The following CDH13 variants were observed in gnomAD, a reference collection of about 807,000 sequenced individuals.
CDH13 encodes cadherin-13.
In CDH13, 24 loss-of-function variants were observed where a neutral mutation model predicts 63.8. That is an observed-to-expected ratio of 0.38 (90% CI 0.27 to 0.53). CDH13 has a LOEUF of 0.53. CDH13 is among the 20% of genes least tolerant of loss of function. The pLI, the probability that CDH13 is intolerant of heterozygous loss-of-function variation, is 0.85. For missense variants in CDH13, 1,049 were observed against 903.1 expected (o/e 1.16, Z -2.07); for synonymous variants, 503 against 355.3 (o/e 1.42, Z -4.67).
At chr16:82,811,876 G>A (rs972224657) in intron 1 of CDH13, among the ~76,000 whole-genome samples, 1 of 152,136 alleles carries the variant, frequency 6.6e-6, no homozygotes, top group African/African-American at 2.4e-5. Flanking sequence ...GAAGGGCCCA[G>A]GTTTAGGGAA....
intron 1 of CDH13, among the ~76,000 whole-genome samples, chr16:82,631,870 A>C (rs1219342635): frequency 1.3e-5 from 2 of 152,100 alleles, no homozygotes; most frequent in Non-Finnish European, 2.9e-5. Flanking sequence ...CTGGCTTAGC[A>C]AGTTGAACCT....
chr16:83,477,089 G>T (rs1433666606), intron 6 of CDH13, among the ~76,000 whole-genome samples: 2 of 152,186 alleles, frequency 1.3e-5, no homozygotes, highest in African/African-American at 4.8e-5. Flanking sequence ...CAGTTCTTCA[G>T]CTTCATTAAA....
intron 8 of CDH13, among the ~76,000 whole-genome samples, chr16:83,615,824 C>G (rs1909234872): frequency 6.6e-6 from 1 of 152,156 alleles, no homozygotes; most frequent in Non-Finnish European, 1.5e-5. Flanking sequence ...AAATTGCATT[C>G]CCAACTTCCC....
intron 2 of CDH13, among the ~76,000 whole-genome samples, chr16:82,968,121 C>T (rs951460612): frequency 6.6e-6 from 1 of 152,184 alleles, no homozygotes; most frequent in Non-Finnish European, 1.5e-5. Context: ...TTAAAAGTTT[C>T]ATTACTATGG....
intron 1 of CDH13, among the ~76,000 whole-genome samples, chr16:82,741,682 A>G (rs2033939862): frequency 6.6e-6 from 1 of 152,242 alleles, no homozygotes. Context: ...AGAAACAGCC[A>G]TGGCACAAAC....
intron 1 of CDH13, among the ~76,000 whole-genome samples, chr16:82,709,493 G>A (rs2031749548): frequency 6.6e-6 from 1 of 152,164 alleles, no homozygotes; most frequent in Non-Finnish European, 1.5e-5. Flanking sequence ...GCTTGCAAGG[G>A]ATGTAACTCT....
At chr16:83,115,925 G>T (rs1001563311) in intron 3 of CDH13, among the ~76,000 whole-genome samples, 1 of 152,244 alleles carries the variant, frequency 6.6e-6, no homozygotes, top group Non-Finnish European at 1.5e-5. Flanking sequence ...CTGTTTGAAT[G>T]TCAGCGTATT....
chr16:83,188,584 C>G (rs1428694231), intron 4 of CDH13, among the ~76,000 whole-genome samples: 1 of 152,162 alleles, frequency 6.6e-6, no homozygotes, highest in Non-Finnish European at 1.5e-5. Flanking sequence ...TGGCCATGGT[C>G]CTGGCTCCCA....
intron 5 of CDH13, among the ~76,000 whole-genome samples, chr16:83,310,477 G>T (rs1194463228): frequency 6.6e-6 from 1 of 152,146 alleles, no homozygotes; most frequent in Non-Finnish European, 1.5e-5. Context: ...GTACAGAGAG[G>T]CAGAGAGGAG....
intron 7 of CDH13, among the ~76,000 whole-genome samples, chr16:83,551,434 T>C (rs373594143): frequency 1.4e-4 from 21 of 152,162 alleles, no homozygotes; most frequent in African/African-American, 5.1e-4. Context: ...TCAACAAGTG[T>C]TATTTGGCCA....
intron 3 of CDH13, among the ~76,000 whole-genome samples, chr16:83,049,605 G>A (rs755013436): frequency 2.0e-4 from 31 of 152,064 alleles, no homozygotes; most frequent in Non-Finnish European, 1.5e-5. Context: ...AGAGTGCTGG[G>A]ATTACAGGCG....
intron 7 of CDH13, among the ~76,000 whole-genome samples, chr16:83,517,966 G>T (rs753342683): frequency 6.6e-6 from 1 of 152,096 alleles, no homozygotes; most frequent in Non-Finnish European, 1.5e-5. Context: ...GTGATGAAGT[G>T]ACTAACCCCA....
rs767152797 is a variant in CDH13 at position 82,920,598 on chromosome 16, C to G, written c.157+62125C>G. On this transcript the variant is annotated intron_variant, in intron 2 of 13. Transcript: ENST00000567109. ...CCTATGGAAAAGAAAAGAATGCTGT[C>G]TGGTGAGGCTGTCTCCACTGCAGGC... Among the ~76,000 whole-genome samples the G allele has an allele frequency of 2.8e-4, 42 of 152,188 alleles. 1 individual carries two copies. Among genetic ancestry groups the G allele is most frequent in the Admixed American group, 2.6e-4 (4 of 15,280 alleles).
At chr16:83,777,775 A>G (rs566210806) in intron 11 of CDH13, among the ~76,000 whole-genome samples, 1 of 152,340 alleles carries the variant, frequency 6.6e-6, no homozygotes, top group African/African-American at 2.4e-5. Flanking sequence ...GTGTAACCTG[A>G]TAGCCTAACT....
chr16:83,681,642 T>C lies in CDH13; in HGVS notation c.1538+3181T>C, dbSNP rs3826117. On this transcript the variant is annotated intron_variant, in intron 10 of 13. Transcript: ENST00000567109. ...ACCCCTCTCCTCTCCTGGAGTAAAG[T>C]CGGGATAACATCACCGACAGGTTGA... is the stretch of plus-strand genomic sequence containing the variant. Among the ~76,000 whole-genome samples the C allele has an allele frequency of 9.4e-3, 1,436 of 152,046 alleles. 70 individuals carry two copies. Among genetic ancestry groups the C allele is most frequent in the Admixed American group, 0.075 (1,145 of 15,274 alleles).
chr16:82,833,134 A>T (rs11150494), intron 1 of CDH13, among the ~76,000 whole-genome samples: 52,455 of 152,134 alleles, frequency 0.34, 10,383 homozygotes, highest in East Asian at 0.81. Flanking sequence ...CAGTGAACTC[A>T]GACCCGTCTC....
chr16:83,005,248 T>C (rs1004059314), intron 2 of CDH13, among the ~76,000 whole-genome samples: 4 of 152,192 alleles, frequency 2.6e-5, no homozygotes, highest in Admixed American at 6.5e-5. Flanking sequence ...TTTTGGATGA[T>C]TATTTCATTG....
intron 4 of CDH13, among the ~76,000 whole-genome samples, chr16:83,158,083 G>A (rs2037289014): frequency 6.6e-6 from 1 of 152,028 alleles, no homozygotes; most frequent in Non-Finnish European, 1.5e-5. Context: ...TTTAGAAAGT[G>A]GGTTCCCTGT....
intron 2 of CDH13, among the ~76,000 whole-genome samples, chr16:82,903,615 A>C (rs984629363): frequency 2.0e-4 from 30 of 152,162 alleles, no homozygotes; most frequent in African/African-American, 6.8e-4. Context: ...CTAACTGGAA[A>C]ATGCTTCTCA....
Sources: gnomAD v4.1 joint callset for allele counts (sites outside exome capture counted in the v4.1 genomes callset) on GRCh38, gnomAD v4.1.1 for gene constraint, MANE v1.5 for transcripts, NCBI Gene and HGNC (gene_info 2026-07-23, HGNC 2026-07-21) for gene names.